The following SLC8A1 variants were observed in gnomAD, a reference collection of about 807,000 sequenced individuals.
SLC8A1 encodes the protein sodium/calcium exchanger 1.
SLC8A1 carries 18 observed loss-of-function variants against 68.3 expected under a neutral mutation model. That is an observed-to-expected ratio of 0.26 (90% CI 0.18 to 0.39). The LOEUF (loss-of-function observed/expected upper bound fraction) is 0.39. Among genes scored for constraint, SLC8A1 ranks in the 10% least tolerant of loss-of-function variants. The probability of loss-of-function intolerance (pLI) is 1.00; values close to 1 mark genes in which losing one functional copy is unlikely to be tolerated. For synonymous variants in SLC8A1, 475 were observed against 415.5 expected, an observed-to-expected ratio of 1.14 and a Z score of -1.74; for missense variants, 985 against 1,156.7, an observed-to-expected ratio of 0.85 and a Z score of 2.15.
intron 2 of SLC8A1, among the ~76,000 whole-genome samples, chr2:40,326,368 G>A (rs2075824798): frequency 6.6e-6 from 1 of 151,776 alleles, no homozygotes; most frequent in Non-Finnish European, 1.5e-5. Context: ...ATAGATTAGA[G>A]GAAAGATCAA....
chr2:40,170,481 A>G (rs1157079655), intron 4 of SLC8A1, 132 bp from the exon 7 acceptor site: 9 of 738,846 alleles, frequency 1.2e-5, no homozygotes, highest in Non-Finnish European at 1.9e-5. Context: ...TGGGGATTCA[A>G]TGATCATAGG....
intron 2 of SLC8A1, among the ~76,000 whole-genome samples, chr2:40,354,382 TC>T (rs1201346653): frequency 8.5e-6 from 1 of 117,112 alleles, no homozygotes; most frequent in African/African-American, 2.7e-5. Context: ...TTCTTTACCT[TC>T]AAGTCACACT....
At chr2:40,372,638 G>A (rs1467626573) in intron 2 of SLC8A1, among the ~76,000 whole-genome samples, 4 of 152,030 alleles carry the variant, frequency 2.6e-5, no homozygotes, top group Admixed American at 2.0e-4. Flanking sequence ...TAGAAAGACT[G>A]TTTCTTGAAA....
intron 2 of SLC8A1, among the ~76,000 whole-genome samples, chr2:40,266,234 A>C (rs1245600343): frequency 6.6e-6 from 1 of 152,180 alleles, no homozygotes. Context: ...AAAACTACAG[A>C]AGTACCATAT....
intron 2 of SLC8A1, among the ~76,000 whole-genome samples, chr2:40,229,081 C>A (rs1033152712): frequency 6.6e-6 from 1 of 152,076 alleles, no homozygotes; most frequent in Admixed American, 6.6e-5. Flanking sequence ...TATACATAAT[C>A]TAATAACCAT....
At chr2:40,416,086 C>A (rs1167844188) in intron 2 of SLC8A1, among the ~76,000 whole-genome samples, 1 of 149,118 alleles carries the variant, frequency 6.7e-6, no homozygotes, top group Non-Finnish European at 1.5e-5. Flanking sequence ...GCAACCTCTC[C>A]ACTTTTCTGA....
At chr2:40,372,435 T>G (rs78103820) in intron 2 of SLC8A1, among the ~76,000 whole-genome samples, 1 of 152,050 alleles carries the variant, frequency 6.6e-6, no homozygotes, top group African/African-American at 2.4e-5. Flanking sequence ...CAAACTCCTC[T>G]CCCTTTGGGA....
chr2:40,137,972 G>A (rs908871622), intron 7 of SLC8A1, among the ~76,000 whole-genome samples: 2 of 152,076 alleles, frequency 1.3e-5, no homozygotes, highest in Non-Finnish European at 2.9e-5. Context: ...TGAATGAAGT[G>A]TCCAGATTTA....
At chr2:40,389,896 C>A (rs1684751441) in intron 2 of SLC8A1, among the ~76,000 whole-genome samples, 1 of 150,456 alleles carries the variant, frequency 6.6e-6, no homozygotes, top group Non-Finnish European at 1.5e-5. Context: ...CCCAAATCAC[C>A]AAAGCTAATA....
At chr2:40,181,803 T>C (rs2049616309) in intron 2 of SLC8A1, among the ~76,000 whole-genome samples, 1 of 152,214 alleles carries the variant, frequency 6.6e-6, no homozygotes, top group South Asian at 2.1e-4. Context: ...AATAAACCAA[T>C]GTAATTTTTA....
chr2:40,464,282 C>T (rs1471878283), intron 1 of SLC8A1, among the ~76,000 whole-genome samples: 2 of 152,114 alleles, frequency 1.3e-5, no homozygotes, highest in Non-Finnish European at 2.9e-5. Flanking sequence ...TATTGGTAGC[C>T]AATGTAAACA....
At chr2:40,470,478 G>A (rs1703935794) in intron 1 of SLC8A1, among the ~76,000 whole-genome samples, 1 of 151,758 alleles carries the variant, frequency 6.6e-6, no homozygotes, top group African/African-American at 2.4e-5. Flanking sequence ...TTATAACCAT[G>A]GAAACCCATT....
intron 1 of SLC8A1, among the ~76,000 whole-genome samples, chr2:40,500,704 A>G (rs1175096967): frequency 6.6e-6 from 1 of 151,416 alleles, no homozygotes; most frequent in Non-Finnish European, 1.5e-5. Context: ...TGTCATTATT[A>G]ATAGCTCCCT....
exon 8 of SLC8A1, chr2:40,108,023 G>A (rs1193862036): frequency 6.6e-6 from 1 of 152,138 alleles, no homozygotes; most frequent in East Asian, 1.9e-4. Flanking sequence ...TGGGCCTTGT[G>A]GTTCATTTGG....
chr2:40,505,094 G>A (rs1375439672), intron 1 of SLC8A1, among the ~76,000 whole-genome samples: 1 of 151,836 alleles, frequency 6.6e-6, no homozygotes, highest in African/African-American at 2.4e-5. Flanking sequence ...AAGAAAATGT[G>A]GCACATATAC....
chr2:40,497,937 T>G (rs1705814440), intron 1 of SLC8A1, among the ~76,000 whole-genome samples: 1 of 152,056 alleles, frequency 6.6e-6, no homozygotes, highest in Non-Finnish European at 1.5e-5. Context: ...GTAGGATATC[T>G]CTTAGCATGC....
exon 8 of SLC8A1, chr2:40,102,620 C>G (rs1486144166): frequency 6.6e-6 from 1 of 152,114 alleles, no homozygotes; most frequent in Non-Finnish European, 1.5e-5. Flanking sequence ...GAATGAGCAG[C>G]TGTCTGTGAG....
chr2:40,227,817 G>A (rs979362732), intron 2 of SLC8A1, among the ~76,000 whole-genome samples: 8 of 152,064 alleles, frequency 5.3e-5, no homozygotes, highest in African/African-American at 1.9e-4. Flanking sequence ...ATGACAGCAC[G>A]GTGCTATATA....
intron 1 of SLC8A1, among the ~76,000 whole-genome samples, chr2:40,466,928 A>T (rs1017328535): frequency 6.6e-6 from 1 of 151,670 alleles, no homozygotes; most frequent in Admixed American, 6.6e-5. Context: ...AAGTGCCCAG[A>T]TATTGAGATT....
Sources: allele counts gnomAD v4.1 joint callset (sites outside exome capture counted in the v4.1 genomes callset), GRCh38; gene constraint gnomAD v4.1.1; transcripts MANE v1.5; gene names NCBI Gene and HGNC (gene_info 2026-07-23, HGNC 2026-07-21).